Variants in LIPH observed in about 807,000 individuals in gnomAD.
The protein encoded by LIPH is lipase H.
In LIPH, 32 loss-of-function variants were observed where a neutral mutation model predicts 47.6. That is an observed-to-expected ratio of 0.67 (90% CI 0.51 to 0.90). The LOEUF is 0.90. LIPH is among the 40% of genes least tolerant of loss of function. The probability of loss-of-function intolerance (pLI) is 0.00; values close to 1 mark genes in which losing one functional copy is unlikely to be tolerated. For synonymous variants in LIPH, 190 were observed against 195.6 expected, an observed-to-expected ratio of 0.97 and a Z score of 0.24; for missense variants, 497 against 541.4, an observed-to-expected ratio of 0.92 and a Z score of 0.81.
At chr3:185,528,323 G>GAAGA (rs11457702) in intron 3 of LIPH, among the ~76,000 whole-genome samples, 3,071 of 125,584 alleles carry the variant, frequency 0.024, 97 homozygotes, top group Admixed American at 0.032. Context: ...AAGAAAGAAA[G>GAAGA]AAGAAAGAAA....
Position 185,508,542 on chromosome 3 carries a change from A to AG in LIPH, c.*247dup. 2.0e-6 allele frequency: 1 copy of AG among 508,532 alleles called. No homozygotes were observed. Among genetic ancestry groups the AG allele is most frequent in the Middle Eastern group, 5.6e-4 (1 of 1,780 alleles). The allele number at this position is 508,532 out of a possible 1,614,324, so 31.5% of individuals were successfully genotyped here. ...AACAAGGGAGGCCCCAGGACACAGC[A>AG]GACACAGCGCTGCGCTGCTGCGAGC... On this transcript the variant is annotated 3_prime_UTR_variant, in exon 10 of 10. Coordinates refer to ENST00000296252, the MANE Select transcript of LIPH (RefSeq NM_139248.3).
chr3:185,535,565 C>T (rs766862375), intron 1 of LIPH, among the ~76,000 whole-genome samples: 10 of 151,798 alleles, frequency 6.6e-5, no homozygotes, highest in Non-Finnish European at 1.5e-4. Context: ...CAGGCCTGAG[C>T]CCACCACACC....
chr3:185,516,612 AT>A (rs369855786), intron 7 of LIPH, among the ~76,000 whole-genome samples: 3 of 152,222 alleles, frequency 2.0e-5, no homozygotes, highest in African/African-American at 7.2e-5. Flanking sequence ...CCTTTGGGTC[AT>A]CATGTTTGCT....
intron 1 of LIPH, among the ~76,000 whole-genome samples, chr3:185,538,967 ATT>A (rs975784798): frequency 6.8e-6 from 1 of 147,550 alleles, no homozygotes; most frequent in Admixed American, 6.9e-5. Flanking sequence ...ACATATATAT[ATT>A]TTTTTTTATT....
intron 9 of LIPH, 125 bp from the exon 10 acceptor site, chr3:185,509,002 C>A: frequency 1.4e-6 from 1 of 715,502 alleles, no homozygotes; most frequent in Non-Finnish European, 2.5e-6. Flanking sequence ...AAAACACTTA[C>A]GGTGGCCAGG....
chr3:185,546,003 A>C (rs1720860481), intron 1 of LIPH, among the ~76,000 whole-genome samples: 2 of 146,586 alleles, frequency 1.4e-5, no homozygotes, highest in South Asian at 4.3e-4. Flanking sequence ...TAAAAATACA[A>C]AAAAAAAAAA....
intron 1 of LIPH, among the ~76,000 whole-genome samples, chr3:185,550,689 C>G (rs950300691): frequency 6.6e-6 from 1 of 152,062 alleles, no homozygotes; most frequent in African/African-American, 2.4e-5. Flanking sequence ...CCTGTCTCAG[C>G]CTCCCGAGTA....
intron 4 of LIPH, among the ~76,000 whole-genome samples, chr3:185,526,637 T>TATAAAATATA (rs10674006): frequency 2.9e-5 from 4 of 138,926 alleles, no homozygotes; most frequent in Non-Finnish European, 3.1e-5. Context: ...AAATATAAAA[T>TATAAAATATA]AAATAAAATA....
rs1311749861 is a variant in LIPH at position 185,519,236 on chromosome 3, G to A, written c.792C>T (p.Thr264=). ...LYLSSLRESC[T]ITAYPCDSYQ... Reference sequence around the variant, plus strand: ...AGGAGTCACAGGGATACGCAGTGATGGTGCAGCTCTCTCTCAGGGAAGACA... The same window carrying A: ...AGGAGTCACAGGGATACGCAGTGATAGTGCAGCTCTCTCTCAGGGAAGACA... Residue 264 remains threonine (T), a synonymous_variant, in exon 6 of 10, where the codon ACC becomes ACT. Transcript: ENST00000296252. The A allele has an allele frequency of 6.2e-7, 1 of 1,611,214 alleles. No homozygotes were observed. Among genetic ancestry groups the A allele is most frequent in the Non-Finnish European group, 8.5e-7 (1 of 1,177,526 alleles).
chr3:185,535,172 C>T, intron 1 of LIPH, 40 bp from the exon 2 acceptor site: 1 of 1,608,740 alleles, frequency 6.2e-7, no homozygotes, highest in Non-Finnish European at 8.5e-7. Flanking sequence ...CAGGTCTTTC[C>T]TTAGCTGGGC....
chr3:185,546,494 C>T (rs1008649372), intron 1 of LIPH, among the ~76,000 whole-genome samples: 23 of 151,362 alleles, frequency 1.5e-4, no homozygotes, highest in African/African-American at 5.3e-4. Flanking sequence ...ACACCCATCT[C>T]TTTAAAAAAA....
chr3:185,519,343 C>A, intron 5 of LIPH, 34 bp from the exon 6 acceptor site: 8 of 1,457,244 alleles, frequency 5.5e-6, no homozygotes, highest in Non-Finnish European at 7.7e-6. Flanking sequence ...AAGAGTAGAG[C>A]GGTTGAAGCA....
At chr3:185,515,675 A>G (rs1719708885) in intron 7 of LIPH, among the ~76,000 whole-genome samples, 1 of 152,062 alleles carries the variant, frequency 6.6e-6, no homozygotes, top group Non-Finnish European at 1.5e-5. Flanking sequence ...CGCCCAGCTA[A>G]TTTTTATATT....
At chr3:185,533,376 T>C (rs1720397086) in intron 3 of LIPH, among the ~76,000 whole-genome samples, 195 bp downstream of exon 3, 1 of 152,238 alleles carries the variant, frequency 6.6e-6, no homozygotes. Context: ...CAAAATGCTT[T>C]ACTTATGTTT....
At chr3:185,520,013 G>T (rs988173249) in intron 5 of LIPH, among the ~76,000 whole-genome samples, 1 of 151,938 alleles carries the variant, frequency 6.6e-6, no homozygotes, top group African/African-American at 2.4e-5. Context: ...GGAGGCGCAG[G>T]CATCAGTATT....
intron 1 of LIPH, among the ~76,000 whole-genome samples, chr3:185,546,352 C>CAAAAAAAA (rs56984831): frequency 5.0e-5 from 3 of 60,554 alleles, no homozygotes; most frequent in African/African-American, 1.8e-4. Flanking sequence ...GACTCCGTCT[C>CAAAAAAAA]AAAAAAAAAA....
At chr3:185,517,818 G>A (rs902266350) in intron 6 of LIPH, among the ~76,000 whole-genome samples, 1 of 152,108 alleles carries the variant, frequency 6.6e-6, no homozygotes, top group Non-Finnish European at 1.5e-5. Flanking sequence ...ACCATGCCCT[G>A]TTGTTAACTT....
intron 8 of LIPH, among the ~76,000 whole-genome samples, chr3:185,513,767 G>A (rs879295463): frequency 9.2e-5 from 14 of 152,094 alleles, no homozygotes; most frequent in South Asian, 2.1e-4. Context: ...TCAGCCAGGC[G>A]CGGTGGCTCA....
Position 185,527,587 on chromosome 3 carries a change from TGG to T in LIPH, c.527-4_527-3del, listed in dbSNP as rs753006185. ...ATAAAGGGCCTGCAGGGTCGAGGCC[TGG>T]AAGGAAAACAGAGTCACTTGGCAGC... On this transcript the variant is annotated splice_polypyrimidine_tract_variant and splice_region_variant and intron_variant, in intron 3 of 9. Transcript: ENST00000296252. 3.9e-5 allele frequency: 62 copies of T among 1,601,854 alleles called. No homozygotes were observed. Among genetic ancestry groups the T allele is most frequent in the Non-Finnish European group, 5.0e-5 (58 of 1,170,736 alleles).
Sources: allele counts gnomAD v4.1 joint callset (sites outside exome capture counted in the v4.1 genomes callset), GRCh38; gene constraint gnomAD v4.1.1; transcripts MANE v1.5; gene names NCBI Gene and HGNC (gene_info 2026-07-23, HGNC 2026-07-21).